The following FBXL13 variants were observed in gnomAD, a reference collection of about 807,000 sequenced individuals.
FBXL13 encodes F-box and leucine-rich repeat protein 13.
A neutral mutation model predicts 83.6 loss-of-function variants in FBXL13; 67 were observed. The observed-to-expected ratio is 0.80, with a 90% CI of 0.66 to 0.98. The LOEUF (loss-of-function observed/expected upper bound fraction) is 0.98, where lower values mean the gene tolerates loss of function less well. Among genes scored for constraint, FBXL13 ranks in the 50% least tolerant of loss-of-function variants. FBXL13 has a pLI of 0.00. For missense variants in FBXL13, 822 were observed against 866.5 expected, an observed-to-expected ratio of 0.95 and a Z score of 0.64; for synonymous variants, 272 against 299.5, an observed-to-expected ratio of 0.91 and a Z score of 0.95.
rs114771326 is a variant in FBXL13, at chr7:102,850,105, A to T, written c.1719+4672T>A. Among the ~76,000 whole-genome samples, 492 of 152,308 alleles carry T rather than the reference A, an allele frequency of 3.2e-3. 9 individuals are homozygous for T. The highest frequency in any genetic ancestry group is 0.012 in the African/African-American group (479 of 41,564). On this transcript the variant is annotated intron_variant, in intron 17 of 19. Coordinates refer to ENST00000313221, the Ensembl canonical transcript of FBXL13. ...ATAAATACATGTCAGTTTGTAAAAG[A>T]TTAAATTGTTTTAAAGATATGCCAG...
chr7:102,900,979 T>C (rs1329447754), intron 11 of FBXL13, among the ~76,000 whole-genome samples: 3 of 152,240 alleles, frequency 2.0e-5, no homozygotes, highest in African/African-American at 4.8e-5. Context: ...AAATACTTAC[T>C]GAGGCCAGGC....
intron 1 of FBXL13, among the ~76,000 whole-genome samples, chr7:103,057,721 A>G (rs953023806): frequency 1.3e-5 from 2 of 152,192 alleles, no homozygotes; most frequent in African/African-American, 4.8e-5. Context: ...GGTCCCCCCA[A>G]AAGAAGAAAC....
intron 5 of FBXL13, 110 bp from the exon 7 acceptor site, chr7:103,025,340 T>C: frequency 1.6e-6 from 1 of 613,646 alleles, no homozygotes; most frequent in South Asian, 2.6e-5. Flanking sequence ...TAAACATTAT[T>C]TATGATCGTC....
intron 16 of FBXL13, among the ~76,000 whole-genome samples, chr7:102,855,831 GTTT>G (rs562482295): frequency 6.8e-6 from 1 of 148,080 alleles, no homozygotes; most frequent in Admixed American, 6.7e-5. Flanking sequence ...ATTATATCTT[GTTT>G]TTTTTGTTTG....
intron 6 of FBXL13, among the ~76,000 whole-genome samples, chr7:103,005,411 G>A (rs967829177): frequency 1.3e-5 from 2 of 152,130 alleles, no homozygotes; most frequent in African/African-American, 4.8e-5. Context: ...AAGGCAAAGA[G>A]CAGTGAAGAG....
chr7:102,871,668 C>T (rs1233401348), intron 16 of FBXL13, among the ~76,000 whole-genome samples: 10 of 152,170 alleles, frequency 6.6e-5, no homozygotes, highest in African/African-American at 2.4e-4. Context: ...GCTAGGATTA[C>T]AGGCGTAAGC....
At chr7:103,040,822 TA>T (rs1161107487) in intron 2 of FBXL13, among the ~76,000 whole-genome samples, 2 of 152,166 alleles carry the variant, frequency 1.3e-5, no homozygotes, top group African/African-American at 4.8e-5. Context: ...GGGACATATT[TA>T]AAGAAGTGTG....
At chr7:102,976,484 G>A (rs761150039) in intron 6 of FBXL13, among the ~76,000 whole-genome samples, 2 of 151,974 alleles carry the variant, frequency 1.3e-5, no homozygotes, top group African/African-American at 2.4e-5. Flanking sequence ...CCACTTCCAC[G>A]TTCCCCATAA....
rs575172285 is a variant in FBXL13 at position 102,903,986 on chromosome 7, C to T, written c.1008+9100G>A. ...TTGCTGTATCTTTGTCTGGTTTTGG[C>T]ATCAGGGTAATACTGGCCTCATAGA... is the stretch of plus-strand genomic sequence containing the variant. On this transcript the variant is annotated intron_variant, in intron 11 of 19. Coordinates refer to ENST00000313221, the Ensembl canonical transcript of FBXL13. 2.3e-3 allele frequency among the ~76,000 whole-genome samples: 220 copies of T among 94,244 alleles called. 1 individual carries two copies. Among genetic ancestry groups the T allele is most frequent in the Middle Eastern group, 0.018 (2 of 110 alleles). 61.8% of individuals were successfully genotyped at this position (94,244 alleles called of 152,430 possible).
intron 17 of FBXL13, among the ~76,000 whole-genome samples, chr7:102,837,960 A>G (rs1184562834): frequency 6.6e-6 from 1 of 152,278 alleles, no homozygotes; most frequent in African/African-American, 2.4e-5. Context: ...AACATCTGGC[A>G]TACAGAATTA....
chr7:102,944,160 C>G (rs750744998), intron 8 of FBXL13: 1 of 1,452,164 alleles, frequency 6.9e-7, no homozygotes, highest in South Asian at 1.4e-5. Context: ...ATATGCCATA[C>G]ACTGTATTAA....
chr7:102,934,057 C>T (rs755893968), intron 8 of FBXL13: 26 of 1,614,048 alleles, frequency 1.6e-5, no homozygotes, highest in African/African-American at 1.1e-4. Flanking sequence ...TCAAACGCTA[C>T]GCACCAGGCC....
At chr7:103,004,363 C>G (rs1790750670) in intron 6 of FBXL13, among the ~76,000 whole-genome samples, 1 of 152,174 alleles carries the variant, frequency 6.6e-6, no homozygotes, top group Non-Finnish European at 1.5e-5. Flanking sequence ...CCAGAGGGAA[C>G]AGTCCAACTG....
chr7:103,011,072 A>T (rs748256981), intron 6 of FBXL13, among the ~76,000 whole-genome samples: 2 of 152,194 alleles, frequency 1.3e-5, no homozygotes, highest in African/African-American at 2.4e-5. Context: ...AAGATTCAAG[A>T]GACATCGGCC....
chr7:102,863,284 T>C (rs181341329), intron 16 of FBXL13, among the ~76,000 whole-genome samples: 1,848 of 152,266 alleles, frequency 0.012, 23 homozygotes, highest in Non-Finnish European at 0.018. Context: ...CTATATAACC[T>C]AGGGTATTTG....
chr7:102,907,315 T>C (rs1355137294), intron 11 of FBXL13, among the ~76,000 whole-genome samples: 1 of 152,228 alleles, frequency 6.6e-6, no homozygotes, highest in Non-Finnish European at 1.5e-5. Context: ...TCATTGTTTT[T>C]CATTCTTTTT....
intron 11 of FBXL13, among the ~76,000 whole-genome samples, chr7:102,888,796 G>A (rs1015717656): frequency 2.6e-5 from 4 of 152,072 alleles, no homozygotes; most frequent in African/African-American, 9.7e-5. Context: ...AAAGTCCAGG[G>A]GAGAGGAATG....
At chr7:102,862,414 T>C (rs1037374304) in intron 16 of FBXL13, among the ~76,000 whole-genome samples, 3 of 152,180 alleles carry the variant, frequency 2.0e-5, no homozygotes, top group Non-Finnish European at 2.9e-5. Flanking sequence ...CATATTTCTT[T>C]TTGTATTACT....
chr7:103,051,287 C>A (rs1049097442), intron 2 of FBXL13, among the ~76,000 whole-genome samples: 2 of 152,216 alleles, frequency 1.3e-5, no homozygotes, highest in African/African-American at 4.8e-5. Flanking sequence ...CAGTTCCTTT[C>A]TGAACCAGTC....
Sources: allele counts gnomAD v4.1 joint callset (sites outside exome capture counted in the v4.1 genomes callset), GRCh38; gene constraint gnomAD v4.1.1; transcripts MANE v1.5; gene names NCBI Gene and HGNC (gene_info 2026-07-23, HGNC 2026-07-21).